The following ASAP2 variants were observed in gnomAD, a reference collection of about 807,000 sequenced individuals.
The protein encoded by ASAP2 is ArfGAP with SH3 domain, ankyrin repeat and PH domain 2.
A neutral mutation model predicts 131.4 loss-of-function variants in ASAP2; 45 were observed. That is an observed-to-expected ratio of 0.34 (90% CI 0.27 to 0.44). ASAP2 has a LOEUF of 0.44. Ranked by LOEUF, ASAP2 falls within the 20% of genes least tolerant of loss-of-function variation. The pLI is 1.00. For missense variants in ASAP2, 1,011 were observed against 1,297.0 expected, an observed-to-expected ratio of 0.78 and a Z score of 3.39; for synonymous variants, 510 against 503.0, an observed-to-expected ratio of 1.01 and a Z score of -0.19.
At chr2:9,252,189 C>T (rs1572256621) in intron 1 of ASAP2, among the ~76,000 whole-genome samples, 1 of 152,328 alleles carries the variant, frequency 6.6e-6, no homozygotes, top group Admixed American at 6.5e-5. Flanking sequence ...GCTGCTAGGA[C>T]TGCATTGGAG....
At chr2:9,282,619 AAGG>A (rs1321173953) in intron 2 of ASAP2, among the ~76,000 whole-genome samples, 2 of 152,228 alleles carry the variant, frequency 1.3e-5, no homozygotes, top group Non-Finnish European at 2.9e-5. Flanking sequence ...GCTGGTTCCA[AAGG>A]AGAAGTCCCC....
chr2:9,370,846 G>T (rs1303697232), intron 16 of ASAP2, among the ~76,000 whole-genome samples: 1 of 152,136 alleles, frequency 6.6e-6, no homozygotes, highest in Non-Finnish European at 1.5e-5. Context: ...CGAGCCTGAG[G>T]GTCCCGCTTG....
At chr2:9,370,631 G>A (rs938050845) in intron 16 of ASAP2, among the ~76,000 whole-genome samples, 1 of 152,158 alleles carries the variant, frequency 6.6e-6, no homozygotes, top group African/African-American at 2.4e-5. Context: ...AGAGGCATTG[G>A]GGGCATGAGC....
At chr2:9,395,636 CTT>C (rs1363032625) in intron 24 of ASAP2, among the ~76,000 whole-genome samples, 1 of 79,750 alleles carries the variant, frequency 1.3e-5, no homozygotes, top group Non-Finnish European at 2.3e-5. Context: ...GAGATGGAGT[CTT>C]GCTCTGTCGC....
At chr2:9,251,479 A>G (rs906634615) in intron 1 of ASAP2, among the ~76,000 whole-genome samples, 9 of 152,318 alleles carry the variant, frequency 5.9e-5, no homozygotes, top group African/African-American at 2.2e-4. Context: ...TCGAAGCAGA[A>G]CAGCTAATCC....
chr2:9,361,974 C>T (rs901229106), intron 15 of ASAP2, among the ~76,000 whole-genome samples: 5 of 143,276 alleles, frequency 3.5e-5, no homozygotes, highest in African/African-American at 7.6e-5. Context: ...TCTTTCTCTG[C>T]GTGTGTGTGT....
At position 9,334,748 on chromosome 2, in the gene ASAP2, G is replaced by T; in HGVS notation, c.697G>T (p.Asp233Tyr). The change falls in exon 8 of 28, where the codon GAT becomes TAT. Residue 233 changes from aspartate (D) to tyrosine (Y), a missense_variant. This residue lies in a region of ASAP2 where 359 missense variants were observed against 598.1 expected (regional missense o/e 0.60). Transcript: ENST00000281419. ...TCTTTTTCCTGCTAGTTTTTTTCAGGATGGACTCAAAGCCGTGGAAAGCCT... is the reference window on the plus strand; with the variant it reads ...TCTTTTTCCTGCTAGTTTTTTTCAGTATGGACTCAAAGCCGTGGAAAGCCT... ...YFHAQCNFFQ[D>Y]GLKAVESLKP... is the part of the protein sequence containing the mutation. The T allele has an allele frequency of 6.2e-7, 1 of 1,613,388 alleles. No individual in the cohort carries two copies. The highest frequency in any genetic ancestry group is 8.5e-7 in the Non-Finnish European group (1 of 1,179,778).
Position 9,376,922 on chromosome 2 carries a change from G to A in ASAP2, c.1761G>A (p.Thr587=), listed in dbSNP as rs777377388. The change falls in exon 18 of 28, where the codon ACG becomes ACA. Residue 587 remains threonine, a synonymous_variant. Transcript: ENST00000281419. ...PLANGHEPDE[T]ALHLAVRSVD... ...TGGTTTTTCAGGAGCCGGATGAAAC[G>A]GCCCTCCACCTTGCAGTCAGATCCG... The A allele has an allele frequency of 8.1e-6, 13 of 1,613,982 alleles. No homozygotes were observed. Among genetic ancestry groups the A allele is most frequent in the Admixed American group, 5.0e-5 (3 of 59,996 alleles).
intron 3 of ASAP2, 130 bp downstream of exon 3, chr2:9,297,575 G>T: frequency 9.0e-7 from 1 of 1,117,076 alleles, no homozygotes; most frequent in Non-Finnish European, 1.3e-6. Flanking sequence ...AAAGAATTAT[G>T]TTTTTATACA....
intron 12 of ASAP2, 53 bp downstream of exon 12, chr2:9,350,948 T>C: frequency 7.4e-7 from 1 of 1,348,398 alleles, no homozygotes; most frequent in Non-Finnish European, 1.0e-6. Context: ...TATGCTCTCC[T>C]CTGGGGCGTC....
intron 3 of ASAP2, among the ~76,000 whole-genome samples, chr2:9,304,283 A>C (rs1668682938): frequency 6.6e-6 from 1 of 152,138 alleles, no homozygotes; most frequent in Non-Finnish European, 1.5e-5. Context: ...AATGAACCTA[A>C]AACAGGGTTT....
chr2:9,239,297 G>A (rs1462814022), intron 1 of ASAP2, among the ~76,000 whole-genome samples: 1 of 152,190 alleles, frequency 6.6e-6, no homozygotes, highest in East Asian at 1.9e-4. Flanking sequence ...TGGGATTTGA[G>A]GATTAGCTGT....
chr2:9,309,008 C>T (rs1222441021), intron 3 of ASAP2, among the ~76,000 whole-genome samples: 3 of 152,214 alleles, frequency 2.0e-5, no homozygotes, highest in African/African-American at 7.2e-5. Context: ...AGTCATACTC[C>T]TGCCCCAGGA....
intron 23 of ASAP2, 49 bp from the exon 24 acceptor site, chr2:9,393,433 G>A: frequency 1.3e-6 from 2 of 1,516,542 alleles, no homozygotes; most frequent in South Asian, 1.2e-5. Flanking sequence ...AGGCCTGAGT[G>A]GGAAGCCTGG....
chr2:9,374,634 G>T, intron 16 of ASAP2, 121 bp from the exon 17 acceptor site: 1 of 940,846 alleles, frequency 1.1e-6, no homozygotes, highest in Non-Finnish European at 1.5e-6. Flanking sequence ...TTGTGTTTCG[G>T]GGCCAGCGGT....
chr2:9,208,350 T>TG (rs968362905), intron 1 of ASAP2, among the ~76,000 whole-genome samples: 6 of 3,934 alleles, frequency 1.5e-3, no homozygotes, highest in South Asian at 0.019. Flanking sequence ...TGTGTGTGGG[T>TG]GGGGGGGTGG....
chr2:9,253,165 T>C (rs1285342176), intron 1 of ASAP2, among the ~76,000 whole-genome samples: 4 of 152,008 alleles, frequency 2.6e-5, no homozygotes, highest in Non-Finnish European at 2.9e-5. Context: ...CCAGTTTTTG[T>C]TTTTGTTTCT....
intron 18 of ASAP2, 136 bp from the exon 19 acceptor site, chr2:9,378,808 C>T (rs970977663): frequency 3.3e-5 from 17 of 517,950 alleles, no homozygotes; most frequent in Admixed American, 1.3e-4. Context: ...ACCACCTTGG[C>T]GATGATTTAC....
At chr2:9,291,945 G>A (rs17627283) in intron 2 of ASAP2, among the ~76,000 whole-genome samples, 1,566 of 152,166 alleles carry the variant, frequency 0.01, 13 homozygotes, top group Non-Finnish European at 0.017. Context: ...TGAAGATAGC[G>A]ACAATGTCAT....
Sources: allele counts gnomAD v4.1 joint callset (sites outside exome capture counted in the v4.1 genomes callset), GRCh38; gene constraint gnomAD v4.1.1; regional missense constraint gnomAD v4.1.1; transcripts MANE v1.5; gene names NCBI Gene and HGNC (gene_info 2026-07-23, HGNC 2026-07-21).